The following ABCC9 variants were observed in gnomAD, a reference collection of about 807,000 sequenced individuals.
ABCC9 encodes ATP binding cassette subfamily C member 9, also known as ATP-binding cassette sub-family C member 9.
Under a neutral mutation model 188.3 loss-of-function variants are expected in ABCC9, and 95 were observed. That is an observed-to-expected ratio of 0.50 (90% CI 0.43 to 0.60). ABCC9 has a LOEUF of 0.60. ABCC9 is among the 20% of genes least tolerant of loss of function. The probability of loss-of-function intolerance (pLI) is 0.00; values close to 1 mark genes in which losing one functional copy is unlikely to be tolerated. For synonymous variants in ABCC9, 659 were observed against 652.7 expected (o/e 1.01, Z -0.15); for missense variants, 1,102 against 1,876.3 (o/e 0.59, Z 7.62).
In ABCC9 at chr12:21,933,282, T is replaced by TTAA. The variant is rs145149649; in HGVS notation, c.284+497_284+499dup. 2.8e-3 allele frequency among the ~76,000 whole-genome samples: 424 copies of TTAA among 151,992 alleles called. 10 individuals are homozygous for TTAA. In the East Asian group the frequency reaches 0.045, roughly 16 times the overall value. On this transcript the variant is annotated intron_variant, in intron 4 of 39. Coordinates refer to ENST00000261200, the MANE Select transcript of ABCC9 (RefSeq NM_020297.4). ...GAAAAACAACTAATGGGTACTAGGA[T>TTAA]TAATACCAGGGTGATGAAATAATCT...
intron 30 of ABCC9, 144 bp from the exon 31 acceptor site, chr12:21,829,204 T>C (rs1331387575): frequency 1.9e-5 from 11 of 587,784 alleles, no homozygotes; most frequent in African/African-American, 4.3e-5. Flanking sequence ...TTTTTTTTTT[T>C]TTTTTTTTTT....
chr12:21,842,125 C>T (rs1192261519), intron 29 of ABCC9, among the ~76,000 whole-genome samples, 189 bp downstream of exon 29: 1 of 152,206 alleles, frequency 6.6e-6, no homozygotes, highest in South Asian at 2.1e-4. Context: ...GGCAACACAT[C>T]ACACATCGCT....
At chr12:21,840,898 TTTC>T (rs901592512) in intron 29 of ABCC9, among the ~76,000 whole-genome samples, 3 of 152,244 alleles carry the variant, frequency 2.0e-5, no homozygotes, top group African/African-American at 7.2e-5. Context: ...CTACAATTCT[TTTC>T]TTCTTATCTC....
intron 18 of ABCC9, among the ~76,000 whole-genome samples, chr12:21,870,851 T>G (rs2137568732): frequency 6.6e-6 from 1 of 152,344 alleles, no homozygotes; most frequent in Non-Finnish European, 1.5e-5. Context: ...GTATACATGC[T>G]TAGGAAAGCA....
intron 22 of ABCC9, among the ~76,000 whole-genome samples, chr12:21,856,902 G>A (rs1392202880): frequency 6.6e-6 from 1 of 152,156 alleles, no homozygotes; most frequent in African/African-American, 2.4e-5. Context: ...TGCATTTCTA[G>A]CACAAACTCT....
chr12:21,888,190 C>CGAA (rs1389273054), intron 14 of ABCC9, among the ~76,000 whole-genome samples: 1 of 152,068 alleles, frequency 6.6e-6, no homozygotes, highest in Non-Finnish European at 1.5e-5. Context: ...ACTTGTCACC[C>CGAA]TAAATTCAAC....
intron 5 of ABCC9, chr12:21,923,311 C>A (rs1338490133): frequency 1.3e-5 from 2 of 150,886 alleles, no homozygotes; most frequent in African/African-American, 2.4e-5. Flanking sequence ...AATTTAAAAT[C>A]TTCTGCTCAT....
intron 35 of ABCC9, among the ~76,000 whole-genome samples, chr12:21,813,756 C>A: frequency 6.6e-6 from 1 of 151,990 alleles, no homozygotes; most frequent in Non-Finnish European, 1.5e-5. Context: ...ATCTGAACCC[C>A]AAAAAAACTA....
chr12:21,832,394 G>T (rs1943821613), intron 30 of ABCC9, among the ~76,000 whole-genome samples: 1 of 152,098 alleles, frequency 6.6e-6, no homozygotes, highest in South Asian at 2.1e-4. Flanking sequence ...GATGGAAAAA[G>T]ACACAATCAA....
At chr12:21,904,094 G>A (rs111331266) in intron 12 of ABCC9, among the ~76,000 whole-genome samples, 2,388 of 152,146 alleles carry the variant, frequency 0.016, 35 homozygotes, top group Middle Eastern at 0.058. Flanking sequence ...TAGACCAATG[G>A]AACAGAACAG....
chr12:21,799,242 T>A lies in ABCC9; in HGVS notation c.*1802A>T. ...TGCACATGTACCCTAAAACTTAAAG[T>A]ATATTAAAAAAAAAATTAAAAAAAA... On this transcript the variant is annotated 3_prime_UTR_variant, in exon 40 of 40. Transcript: ENST00000261200. The A allele has an allele frequency of 1.5e-5, 2 of 137,682 alleles. No individual in the cohort carries two copies. The highest frequency in any genetic ancestry group is 7.4e-5 in the Admixed American group (1 of 13,554). The allele number at this position is 137,682 out of a possible 1,614,324, so 8.5% of individuals were successfully genotyped here. A position where few individuals can be genotyped will look rare whatever the true frequency, so the allele number is the denominator to read the frequency against.
At chr12:21,816,053 TTTTTTTTTTTTTTTTTTTTTTTTTTTTA>T in intron 33 of ABCC9, among the ~76,000 whole-genome samples, 160 bp from the exon 34 acceptor site, 1 of 108,360 alleles carries the variant, frequency 9.2e-6, no homozygotes, top group African/African-American at 6.7e-5. Context: ...TTTTTTTTTT[TTTTTTTTTTTTTTTTTTTTTTTTTTTTA>T]GTTTAAATCA....
At chr12:21,806,893 A>G (rs1409359462) in intron 38 of ABCC9, among the ~76,000 whole-genome samples, 1 of 152,202 alleles carries the variant, frequency 6.6e-6, no homozygotes, top group Non-Finnish European at 1.5e-5. Context: ...ACACATAGAG[A>G]AGACTGTTAT....
At chr12:21,844,341 G>T in intron 28 of ABCC9, 142 bp downstream of exon 28, 1 of 691,376 alleles carries the variant, frequency 1.4e-6, no homozygotes, top group Non-Finnish European at 2.6e-6. Flanking sequence ...TCATTTGCAT[G>T]TATTGATACA....
At chr12:21,878,319 A>G (rs1180157710) in intron 16 of ABCC9, among the ~76,000 whole-genome samples, 1 of 152,212 alleles carries the variant, frequency 6.6e-6, no homozygotes, top group Non-Finnish European at 1.5e-5. Context: ...AAAAAGAGTG[A>G]AAGTGAAAGG....
intron 37 of ABCC9, among the ~76,000 whole-genome samples, chr12:21,808,350 G>GAGC (rs1311453795): frequency 6.6e-6 from 1 of 152,098 alleles, no homozygotes; most frequent in Non-Finnish European, 1.5e-5. Flanking sequence ...CTAAGATGAT[G>GAGC]AGCACCATAT....
chr12:21,910,124 A>G (rs373731105), intron 10 of ABCC9, 33 bp downstream of exon 10: 9 of 1,586,512 alleles, frequency 5.7e-6, no homozygotes, highest in Non-Finnish European at 7.8e-6. Context: ...TTTCCTCTGC[A>G]GACAAAAATC....
intron 25 of ABCC9, among the ~76,000 whole-genome samples, chr12:21,846,240 T>C (rs1452870955): frequency 2.0e-5 from 3 of 152,150 alleles, no homozygotes; most frequent in Non-Finnish European, 4.4e-5. Context: ...AATCTGTGCA[T>C]AGCACAAGAG....
At chr12:21,822,315 G>A (rs1171595057) in intron 31 of ABCC9, among the ~76,000 whole-genome samples, 3 of 141,526 alleles carry the variant, frequency 2.1e-5, no homozygotes, top group Non-Finnish European at 4.6e-5. Flanking sequence ...GCTAAAAACT[G>A]TTTTTTTTTT....
Sources: allele counts gnomAD v4.1 joint callset (sites outside exome capture counted in the v4.1 genomes callset), GRCh38; gene constraint gnomAD v4.1.1; transcripts MANE v1.5; gene names NCBI Gene and HGNC (gene_info 2026-07-23, HGNC 2026-07-21).